ACBD3: variants seen among roughly 807,000 people sequenced by gnomAD.
ACBD3 encodes the protein acyl-CoA binding domain containing 3, also known as Golgi resident protein GCP60.
Under a neutral mutation model 66.9 loss-of-function variants are expected in ACBD3, and 30 were observed. That is an observed-to-expected ratio of 0.45 (90% CI 0.34 to 0.61). ACBD3 has a LOEUF of 0.61. Among genes scored for constraint, ACBD3 ranks in the 20% least tolerant of loss-of-function variants. The pLI is 0.02. For missense variants in ACBD3, 544 were observed against 664.5 expected, an observed-to-expected ratio of 0.82 and a Z score of 1.99; for synonymous variants, 278 against 259.8, an observed-to-expected ratio of 1.07 and a Z score of -0.68.
intron 3 of ACBD3, among the ~76,000 whole-genome samples, chr1:226,163,291 T>C (rs960623598): frequency 2.0e-5 from 3 of 152,150 alleles, no homozygotes; most frequent in Non-Finnish European, 4.4e-5. Flanking sequence ...ATATGTTGAG[T>C]AGTAACTTTT....
Position 226,186,518 on chromosome 1 carries a change from G to A in ACBD3, c.158C>T (p.Ala53Val). 2.1e-6 allele frequency: 3 copies of A among 1,408,012 alleles called. No homozygotes were observed. The highest frequency in any genetic ancestry group is 1.5e-5 in the African/African-American group (1 of 66,364). The allele number at this position is 1,408,012 out of a possible 1,614,324, so 87.2% of individuals were successfully genotyped here. The change falls in exon 1 of 8, where the codon GCC becomes GTC. Residue 53 changes from alanine to valine, a missense_variant. Ala to Val is a moderately conservative substitution (Grantham distance 64). Around this residue, in one of 3 missense-constraint regions of ACBD3, gnomAD observed 137 missense variants for 145.9 expected, o/e 0.94. Transcript: ENST00000366812. ...CCCGGGCTCGGGCTGCTCCCCTGAG[G>A]CGCCCGGGCCGCGACCGGATCCAGG... ...SPPGSGRGPG[A>V]SGEQPEPGEA...
At chr1:226,153,977 T>C (rs896398977) in intron 6 of ACBD3, among the ~76,000 whole-genome samples, 1 of 152,116 alleles carries the variant, frequency 6.6e-6, no homozygotes, top group Admixed American at 6.5e-5. Context: ...AGAAGCCCTA[T>C]GGAGAGGCTT....
At chr1:226,185,298 T>C (rs1203074403) in intron 1 of ACBD3, among the ~76,000 whole-genome samples, 1 of 152,224 alleles carries the variant, frequency 6.6e-6, no homozygotes, top group Admixed American at 6.5e-5. Flanking sequence ...AAACTTTCAC[T>C]AGTTTGCACA....
At chr1:226,170,915 A>T (rs751710175) in intron 1 of ACBD3, among the ~76,000 whole-genome samples, 1 of 151,690 alleles carries the variant, frequency 6.6e-6, no homozygotes, top group Non-Finnish European at 1.5e-5. Flanking sequence ...GAGTAGCTGG[A>T]ACTACTGGTG....
intron 5 of ACBD3, among the ~76,000 whole-genome samples, chr1:226,156,100 T>G (rs1394403688): frequency 1.3e-5 from 2 of 152,222 alleles, no homozygotes; most frequent in Non-Finnish European, 2.9e-5. Context: ...TCAATTTTCA[T>G]AAATCAAACA....
At position 226,175,151 on chromosome 1, in the gene ACBD3, C is replaced by T. The variant is rs571812469; in HGVS notation, c.287-9151G>A. Among the ~76,000 whole-genome samples the T allele has an allele frequency of 2.7e-5, 4 of 150,026 alleles. No homozygotes were observed. In the East Asian group the frequency reaches 7.8e-4, roughly 29 times the overall value. On this transcript the variant is annotated intron_variant, in intron 1 of 7. Coordinates refer to ENST00000366812, the MANE Select transcript of ACBD3 (RefSeq NM_022735.4). The stretch of plus-strand genomic sequence containing the variant: ...AAAGAAAGCAATGAATGGAATAATG[C>T]CTTCAAAATTCCGGAAGGAAATTAT...
chr1:226,169,407 T>C (rs1240100048), intron 1 of ACBD3, among the ~76,000 whole-genome samples: 8 of 151,746 alleles, frequency 5.3e-5, no homozygotes, highest in Admixed American at 1.3e-4. Context: ...GCCACCATGC[T>C]CGGCTAATTT....
intron 1 of ACBD3, among the ~76,000 whole-genome samples, chr1:226,176,884 T>A (rs1008218543): frequency 6.6e-6 from 1 of 152,180 alleles, no homozygotes; most frequent in East Asian, 1.9e-4. Context: ...TCAGTAAATT[T>A]AAAAAAACAG....
rs12032151 is a variant in ACBD3 at position 226,183,746 on chromosome 1, T to C, written c.286+2644A>G. 1.8e-3 allele frequency among the ~76,000 whole-genome samples: 267 copies of C among 151,876 alleles called. 6 individuals are homozygous for C. In the East Asian group the frequency reaches 0.045, roughly 26 times the overall value. ...CTAGAAATACAAAAGTACCTGGGCGTGGTGGCACATGCCTGTAATCTCAGC... is the reference window on the plus strand; with the variant it reads ...CTAGAAATACAAAAGTACCTGGGCGCGGTGGCACATGCCTGTAATCTCAGC... On this transcript the variant is annotated intron_variant, in intron 1 of 7. Transcript: ENST00000366812.
intron 7 of ACBD3, among the ~76,000 whole-genome samples, chr1:226,150,083 G>A (rs1191463740): frequency 6.7e-6 from 1 of 148,314 alleles, no homozygotes; most frequent in Non-Finnish European, 1.5e-5. Context: ...TAGAGGGAGG[G>A]CCTAGCTCTG....
Position 226,146,412 on chromosome 1 carries a change from G to C in ACBD3, c.*198C>G. 2 of 564,066 alleles carry C rather than the reference G, an allele frequency of 3.5e-6. No homozygotes were observed. Among genetic ancestry groups the C allele is most frequent in the Non-Finnish European group, 6.3e-6 (2 of 317,736 alleles). The allele number at this position is 564,066 out of a possible 1,614,324, so 34.9% of individuals were successfully genotyped here. A position where few individuals can be genotyped will look rare whatever the true frequency, so the allele number is the denominator to read the frequency against. On this transcript the variant is annotated 3_prime_UTR_variant, in exon 8 of 8. Transcript: ENST00000366812. Reference sequence around the variant, plus strand: ...GCACCCAAGGGCTGGATGAGTCTGAGGAATCTCCTTTAACCCCAAAGTATG... The same window carrying C: ...GCACCCAAGGGCTGGATGAGTCTGACGAATCTCCTTTAACCCCAAAGTATG...
At chr1:226,161,781 T>C (rs1659780194) in intron 3 of ACBD3, 92 bp from the exon 4 acceptor site, 1 of 1,414,046 alleles carries the variant, frequency 7.1e-7, no homozygotes, top group South Asian at 1.5e-5. Flanking sequence ...ATGACCTTTT[T>C]AGAGAACAAT....
At chr1:226,168,151 A>C (rs1659909118) in intron 1 of ACBD3, among the ~76,000 whole-genome samples, 1 of 152,186 alleles carries the variant, frequency 6.6e-6, no homozygotes, top group African/African-American at 2.4e-5. Context: ...ATTAACAATA[A>C]AATACTGTAT....
At chr1:226,165,422 C>T (rs1178410648) in intron 2 of ACBD3, among the ~76,000 whole-genome samples, 1 of 152,130 alleles carries the variant, frequency 6.6e-6, no homozygotes, top group Non-Finnish European at 1.5e-5. Context: ...CTACCCACCT[C>T]GGCCTCCCAA....
intron 1 of ACBD3, among the ~76,000 whole-genome samples, chr1:226,175,734 G>A (rs1656016616): frequency 6.6e-6 from 1 of 151,918 alleles, no homozygotes. Context: ...CTGCCTCTGG[G>A]GAGAAGGCCT....
chr1:226,166,538 T>G (rs2102783382), intron 1 of ACBD3, among the ~76,000 whole-genome samples: 1 of 151,210 alleles, frequency 6.6e-6, no homozygotes, highest in Non-Finnish European at 1.5e-5. Flanking sequence ...CAGGCTGGAA[T>G]GCAGTGGCAC....
At position 226,186,426 on chromosome 1, in the gene ACBD3, C is replaced by T; in HGVS notation, c.250G>A (p.Glu84Lys). ...CGCAGTGCCAGGCCGTACAACTCCT[C>T]CAGGCCGAAACCCCAGCGCTGCTCC... Reference protein sequence around the residue: ...RLEQRWGFGLEELYGLALRFF... With the variant: ...RLEQRWGFGLKELYGLALRFF... Residue 84 changes from glutamate (E) to lysine (K), a missense_variant, in exon 1 of 8, where the codon GAG becomes AAG. Glu to Lys is a moderately conservative substitution (Grantham distance 56, BLOSUM62 1). Around this residue, in one of 3 missense-constraint regions of ACBD3, gnomAD observed 137 missense variants for 145.9 expected, o/e 0.94. Transcript: ENST00000366812. 1 of 1,526,312 alleles carries T rather than the reference C, an allele frequency of 6.6e-7. No individual in the cohort carries two copies. 94.5% of individuals were successfully genotyped at this position (1,526,312 alleles called of 1,614,324 possible).
chr1:226,152,766 A>G (rs1659602587), intron 6 of ACBD3, 147 bp from the exon 7 acceptor site: 2 of 766,274 alleles, frequency 2.6e-6, no homozygotes, highest in Non-Finnish European at 4.1e-6. Context: ...GGAATAAAAA[A>G]GCCTCCCCAT....
intron 1 of ACBD3, among the ~76,000 whole-genome samples, chr1:226,179,868 C>A (rs573964391): frequency 5.3e-5 from 8 of 150,776 alleles, no homozygotes; most frequent in East Asian, 2.0e-4. Context: ...CCAAAAAAAA[C>A]CAAATATTAA....
Sources: gnomAD v4.1 joint callset for allele counts (sites outside exome capture counted in the v4.1 genomes callset) on GRCh38, gnomAD v4.1.1 for gene constraint, gnomAD v4.1.1 regional missense constraint, MANE v1.5 for transcripts, NCBI Gene and HGNC (gene_info 2026-07-23, HGNC 2026-07-21) for gene names.